Variants in KLHL29 observed in about 807,000 individuals in gnomAD.
KLHL29 encodes kelch-like protein 29.
A neutral mutation model predicts 80.4 loss-of-function variants in KLHL29; 21 were observed. The observed-to-expected ratio is 0.26, with a 90% CI of 0.19 to 0.38. The LOEUF (loss-of-function observed/expected upper bound fraction) is 0.38, where lower values mean the gene tolerates loss of function less well. KLHL29 is among the 10% of genes least tolerant of loss of function. The pLI, the probability that KLHL29 is intolerant of heterozygous loss-of-function variation, is 1.00. For synonymous variants in KLHL29, 511 were observed against 526.8 expected, an observed-to-expected ratio of 0.97 and a Z score of 0.41; for missense variants, 867 against 1,223.9, an observed-to-expected ratio of 0.71 and a Z score of 4.35.
chr2:23,642,175 T>TA (rs1314833149), intron 4 of KLHL29, among the ~76,000 whole-genome samples, 163 bp from the exon 5 acceptor site: 2 of 152,190 alleles, frequency 1.3e-5, no homozygotes, highest in African/African-American at 4.8e-5. Flanking sequence ...CTAGCACACT[T>TA]ATCCTGGGCT....
chr2:23,418,857 G>A (rs1051400073), intron 1 of KLHL29, among the ~76,000 whole-genome samples: 8 of 152,106 alleles, frequency 5.3e-5, no homozygotes, highest in East Asian at 3.9e-4. Context: ...CATGCACTTC[G>A]TCAATCCTGA....
At chr2:23,541,772 C>CAA (rs545375731) in intron 2 of KLHL29, among the ~76,000 whole-genome samples, 39 of 137,636 alleles carry the variant, frequency 2.8e-4, no homozygotes, top group Non-Finnish European at 4.3e-4. Context: ...ACCCAAAAAA[C>CAA]AAAAAAAAAA....
chr2:23,389,847 A>AT (rs148429777), intron 1 of KLHL29, among the ~76,000 whole-genome samples: 1,691 of 152,296 alleles, frequency 0.011, 35 homozygotes, highest in African/African-American at 0.039. Context: ...GTCAGTTTTT[A>AT]TTTCTTAAGT....
intron 1 of KLHL29, among the ~76,000 whole-genome samples, chr2:23,403,096 A>G (rs1666635922): frequency 6.6e-6 from 1 of 152,124 alleles, no homozygotes; most frequent in Non-Finnish European, 1.5e-5. Flanking sequence ...TAATATTAAC[A>G]GTGGTCATCT....
At chr2:23,580,214 C>CA (rs1430290727) in intron 3 of KLHL29, among the ~76,000 whole-genome samples, 2 of 151,702 alleles carry the variant, frequency 1.3e-5, no homozygotes, top group African/African-American at 2.4e-5. Context: ...ACTAAAAATA[C>CA]AAAAAAAGCT....
At chr2:23,547,361 G>A (rs898322421) in intron 2 of KLHL29, among the ~76,000 whole-genome samples, 1 of 152,186 alleles carries the variant, frequency 6.6e-6, no homozygotes, top group Non-Finnish European at 1.5e-5. Flanking sequence ...TGAAAGATTG[G>A]ACTGGGCTTT....
At chr2:23,660,406 G>C (rs542269140) in intron 5 of KLHL29, among the ~76,000 whole-genome samples, 4 of 152,230 alleles carry the variant, frequency 2.6e-5, no homozygotes, top group Admixed American at 2.0e-4. Flanking sequence ...GGCTTATCAG[G>C]GTTCCCAGCC....
chr2:23,546,129 C>A (rs1666973317), intron 2 of KLHL29, among the ~76,000 whole-genome samples: 1 of 152,232 alleles, frequency 6.6e-6, no homozygotes, highest in Non-Finnish European at 1.5e-5. Context: ...CTGACCCCAT[C>A]ATCCCCATTG....
At position 23,642,423 on chromosome 2, in the gene KLHL29, C is replaced by G; in HGVS notation, c.513C>G (p.Thr171=). 6.7e-7 allele frequency: 1 copy of G among 1,490,794 alleles called. No homozygotes were observed. Among genetic ancestry groups the G allele is most frequent in the Non-Finnish European group, 9.0e-7 (1 of 1,114,484 alleles). 92.3% of individuals were successfully genotyped at this position (1,490,794 alleles called of 1,614,324 possible). Reference sequence around the variant, plus strand: ...CCTATGGAGTGGCCCAGCCTCCCACCTTCAGCCCGGCTGTGAACGTCCAGG... The same window carrying G: ...CCTATGGAGTGGCCCAGCCTCCCACGTTCAGCCCGGCTGTGAACGTCCAGG... The part of the protein sequence containing the change: ...AHSYGVAQPP[T]FSPAVNVQAP... Residue 171 remains threonine, a synonymous_variant, in exon 5 of 14, where the codon ACC becomes ACG. Coordinates refer to ENST00000486442, the MANE Select transcript of KLHL29 (RefSeq NM_052920.2).
At position 23,680,238 on chromosome 2, in the gene KLHL29, G is replaced by A. The variant is rs575297232; in HGVS notation, c.941-4161G>A. On this transcript the variant is annotated intron_variant, in intron 5 of 13. Coordinates refer to ENST00000486442, the MANE Select transcript of KLHL29 (RefSeq NM_052920.2). The surrounding 1 kb of genome is among the most constrained non-coding windows in gnomAD (Gnocchi z 4.1). Reference sequence around the variant, plus strand: ...AGAATTCTAGGAGGTAAAAAGATGGGACTTGGTGTGATGAGGGAGGGGAGG... The same window carrying A: ...AGAATTCTAGGAGGTAAAAAGATGGAACTTGGTGTGATGAGGGAGGGGAGG... Among the ~76,000 whole-genome samples, 1 of 152,304 alleles carries A rather than the reference G, an allele frequency of 6.6e-6. No homozygotes were observed. Among genetic ancestry groups the A allele is most frequent in the South Asian group, 2.1e-4 (1 of 4,824 alleles).
rs1672858963 is a variant in KLHL29 at position 23,708,470 on chromosome 2, T to C, written c.*1806T>C. On this transcript the variant is annotated 3_prime_UTR_variant, in exon 14 of 14. Transcript: ENST00000486442. Reference sequence around the variant, plus strand: ...ATGACATTGAAATTCGTTTCTCTCCTCATCTATCACACTGGAGCAAAACTG... The same window carrying C: ...ATGACATTGAAATTCGTTTCTCTCCCCATCTATCACACTGGAGCAAAACTG... The C allele has an allele frequency of 6.6e-6, 1 of 152,194 alleles. No homozygotes were observed. Among genetic ancestry groups the C allele is most frequent in the Non-Finnish European group, 1.5e-5 (1 of 68,038 alleles). 9.4% of individuals were successfully genotyped at this position (152,194 alleles called of 1,614,324 possible). A position where few individuals can be genotyped will look rare whatever the true frequency, so the allele number is the denominator to read the frequency against.
chr2:23,443,795 A>G (rs1663598983), intron 1 of KLHL29, among the ~76,000 whole-genome samples: 1 of 152,238 alleles, frequency 6.6e-6, no homozygotes, highest in African/African-American at 2.4e-5. Flanking sequence ...AGGGATGAAC[A>G]TGAGGCGATG....
At chr2:23,644,110 G>A (rs1432900733) in intron 5 of KLHL29, 1 of 152,128 alleles carries the variant, frequency 6.6e-6, no homozygotes, top group Non-Finnish European at 1.5e-5. Context: ...ATCTGACTGA[G>A]CCCTAACTGC....
At chr2:23,511,049 T>G (rs1665757910) in intron 2 of KLHL29, among the ~76,000 whole-genome samples, 1 of 152,182 alleles carries the variant, frequency 6.6e-6, no homozygotes. Context: ...AACAGAAATG[T>G]ATTTTCTCAC....
At chr2:23,652,507 A>G (rs1028257714) in intron 5 of KLHL29, among the ~76,000 whole-genome samples, 1 of 152,088 alleles carries the variant, frequency 6.6e-6, no homozygotes. Context: ...CTCCAAACCA[A>G]AGATCTCCAG....
chr2:23,438,072 A>G (rs1327605164), intron 1 of KLHL29, among the ~76,000 whole-genome samples: 4 of 151,250 alleles, frequency 2.6e-5, no homozygotes, highest in Admixed American at 1.3e-4. Context: ...CTTTGAAGCA[A>G]TTGTGAATGG....
intron 3 of KLHL29, among the ~76,000 whole-genome samples, chr2:23,573,123 T>A (rs1667759778): frequency 6.6e-6 from 1 of 152,228 alleles, no homozygotes; most frequent in Non-Finnish European, 1.5e-5. Context: ...GCGCAGATTT[T>A]ACATCATTGG....
intron 1 of KLHL29, among the ~76,000 whole-genome samples, chr2:23,441,953 G>T (rs1425152233): frequency 6.6e-6 from 1 of 152,158 alleles, no homozygotes; most frequent in African/African-American, 2.4e-5. Flanking sequence ...GTCTCCCAAA[G>T]ATGTCCATGT....
At chr2:23,654,693 GGTT>G (rs1670186056) in intron 5 of KLHL29, among the ~76,000 whole-genome samples, 1 of 90,182 alleles carries the variant, frequency 1.1e-5, no homozygotes, top group Non-Finnish European at 2.7e-5. Context: ...AGGGAACAGA[GGTT>G]GGGGGGGGGG....
Sources: gnomAD v4.1 joint callset for allele counts (sites outside exome capture counted in the v4.1 genomes callset) on GRCh38, gnomAD v4.1.1 for gene constraint, Gnocchi (gnomAD v3.1) non-coding constraint, MANE v1.5 for transcripts, NCBI Gene and HGNC (gene_info 2026-07-23, HGNC 2026-07-21) for gene names.